Variants in FRMD4B observed in about 807,000 individuals in gnomAD.
The protein encoded by FRMD4B is FERM domain containing 4B, also known as FERM domain-containing protein 4B.
Under a neutral mutation model 141.5 loss-of-function variants are expected in FRMD4B, and 74 were observed. The ratio of observed to expected loss-of-function variants is 0.52; its 90% CI spans 0.43 to 0.63. The LOEUF (loss-of-function observed/expected upper bound fraction) is 0.63, where lower values mean the gene tolerates loss of function less well. FRMD4B is among the 30% of genes least tolerant of loss of function. The pLI is 0.00. For synonymous variants in FRMD4B, 506 were observed against 467.9 expected (o/e 1.08, Z -1.05); for missense variants, 1,366 against 1,253.4 (o/e 1.09, Z -1.36).
intron 2 of FRMD4B, among the ~76,000 whole-genome samples, chr3:69,431,030 G>A (rs1431049964): frequency 1.3e-5 from 2 of 152,320 alleles, no homozygotes; most frequent in East Asian, 3.9e-4. Flanking sequence ...GAGGGAAAGA[G>A]CCAGGCTGCA....
chr3:69,496,636 AAAGAGAGAGAG>A (rs1559545694), intron 1 of FRMD4B, among the ~76,000 whole-genome samples: 11,112 of 116,640 alleles, frequency 0.095, 314 homozygotes, highest in East Asian at 0.12. Flanking sequence ...AGAGAGAGAG[AAAGAGAGAGAG>A]AGAGAGAGAG....
Position 69,434,119 on chromosome 3 carries a change from C to T in FRMD4B, c.-128-1358G>A, listed in dbSNP as rs140430376. 3.2e-3 allele frequency among the ~76,000 whole-genome samples: 483 copies of T among 152,300 alleles called. 5 individuals carry two copies. The highest frequency in any genetic ancestry group is 0.011 in the African/African-American group (457 of 41,554). On this transcript the variant is annotated intron_variant, in intron 1 of 5. Coordinates refer to the FRMD4B transcript ENST00000459638. ...ATTAAGCCCTGTAAACAATGATATA[C>T]CAAGCAGTGTCTAATGTCACGTGCA...
At chr3:69,231,776 A>G (rs1043296901) in intron 7 of FRMD4B, among the ~76,000 whole-genome samples, 1 of 152,234 alleles carries the variant, frequency 6.6e-6, no homozygotes, top group African/African-American at 2.4e-5. Context: ...GTTAGAACCT[A>G]CTAAACCAAA....
chr3:69,234,584 A>G (rs1408950449), intron 7 of FRMD4B, among the ~76,000 whole-genome samples: 4 of 152,214 alleles, frequency 2.6e-5, no homozygotes, highest in Non-Finnish European at 5.9e-5. Flanking sequence ...TATCTGCTGG[A>G]CTTAACAACT....
chr3:69,489,098 G>A (rs1706265201), intron 1 of FRMD4B, among the ~76,000 whole-genome samples: 1 of 151,600 alleles, frequency 6.6e-6, no homozygotes, highest in Non-Finnish European at 1.5e-5. Flanking sequence ...AATGTGAAAA[G>A]ACAATCCACT....
At chr3:69,535,831 G>T in intron 1 of FRMD4B, 2 of 472,198 alleles carry the variant, frequency 4.2e-6, no homozygotes, top group South Asian at 1.5e-5. Context: ...CTGGGCAGCT[G>T]CCCCTTTAGG....
rs771827489 is a variant in FRMD4B at position 69,181,131 on chromosome 3, G to A, written c.2619C>T (p.Leu873=). The A allele has an allele frequency of 1.9e-6, 3 of 1,614,008 alleles. No homozygotes were observed. Among genetic ancestry groups the A allele is most frequent in the East Asian group, 2.2e-5 (1 of 44,886 alleles). The change falls in exon 21 of 23, where the codon CTC becomes CTT. Residue 873 remains leucine (L), a synonymous_variant. Coordinates refer to ENST00000398540, the MANE Select transcript of FRMD4B (RefSeq NM_015123.3). ...DRVPHNPYAT[L]RLPRKAAAKS... Reference sequence around the variant, plus strand: ...TTGCAGCAGCCTTCCTTGGCAGCCGGAGAGTTGCATATGGGTTATGGGGTA... The same window carrying A: ...TTGCAGCAGCCTTCCTTGGCAGCCGAAGAGTTGCATATGGGTTATGGGGTA...
intron 1 of FRMD4B, among the ~76,000 whole-genome samples, chr3:69,340,547 C>T (rs1170392715): frequency 6.6e-6 from 1 of 152,160 alleles, no homozygotes; most frequent in African/African-American, 2.4e-5. Flanking sequence ...GGTGAAGATC[C>T]TGCAGTCAGA....
At chr3:69,505,588 T>C (rs1304763024) in intron 1 of FRMD4B, among the ~76,000 whole-genome samples, 1 of 152,194 alleles carries the variant, frequency 6.6e-6, no homozygotes, top group Non-Finnish European at 1.5e-5. Flanking sequence ...TGAAAGTGGT[T>C]AATATCCAGA....
chr3:69,309,801 T>G (rs984927769), intron 3 of FRMD4B, among the ~76,000 whole-genome samples: 1 of 152,132 alleles, frequency 6.6e-6, no homozygotes, highest in African/African-American at 2.4e-5. Context: ...ACCCCTATTC[T>G]ATGTGACCTC....
intron 1 of FRMD4B, among the ~76,000 whole-genome samples, chr3:69,372,165 C>T (rs948396414): frequency 4.6e-5 from 7 of 152,206 alleles, no homozygotes; most frequent in African/African-American, 1.4e-4. Context: ...CTGCACGTGC[C>T]AAGCTCCTTC....
chr3:69,221,478 G>A (rs2093194306), intron 9 of FRMD4B, among the ~76,000 whole-genome samples: 1 of 152,112 alleles, frequency 6.6e-6, no homozygotes, highest in African/African-American at 2.4e-5. Flanking sequence ...ACTTCCCAAT[G>A]AGATAAGATT....
At chr3:69,186,048 A>T (rs943701971) in intron 19 of FRMD4B, among the ~76,000 whole-genome samples, 3 of 151,972 alleles carry the variant, frequency 2.0e-5, no homozygotes, top group African/African-American at 7.3e-5. Flanking sequence ...TCTCAAAAAA[A>T]AAAAAAAGTA....
intron 2 of FRMD4B, among the ~76,000 whole-genome samples, chr3:69,422,969 T>C (rs1387482049): frequency 6.6e-6 from 1 of 152,140 alleles, no homozygotes; most frequent in Non-Finnish European, 1.5e-5. Flanking sequence ...TATGACTCAC[T>C]GGGCATGAGT....
chr3:69,499,131 G>A (rs1706451555), intron 1 of FRMD4B, among the ~76,000 whole-genome samples: 1 of 152,138 alleles, frequency 6.6e-6, no homozygotes, highest in Non-Finnish European at 1.5e-5. Context: ...CCTGAGGCAG[G>A]AATCAACTTG....
intron 5 of FRMD4B, among the ~76,000 whole-genome samples, chr3:69,262,689 A>G (rs906400198): frequency 1.3e-5 from 2 of 149,290 alleles, no homozygotes; most frequent in African/African-American, 2.5e-5. Context: ...GAACTCCCAG[A>G]CCTCAGGTGA....
At chr3:69,340,608 T>C (rs1413934215) in intron 1 of FRMD4B, among the ~76,000 whole-genome samples, 1 of 152,194 alleles carries the variant, frequency 6.6e-6, no homozygotes, top group African/African-American at 2.4e-5. Flanking sequence ...GTCACCACCA[T>C]GGGCAGACGA....
chr3:69,200,500 G>A (rs1246445463), intron 11 of FRMD4B: 5 of 992,606 alleles, frequency 5.0e-6, no homozygotes, highest in Non-Finnish European at 3.6e-6. Flanking sequence ...CGGCAGCTCC[G>A]GTGAGTTCTG....
chr3:69,172,194 C>A (rs1006099944), intron 22 of FRMD4B, among the ~76,000 whole-genome samples: 2 of 152,186 alleles, frequency 1.3e-5, no homozygotes, highest in Admixed American at 6.5e-5. Context: ...TTATTTAATT[C>A]TCTGGAAAGA....
Sources: allele counts gnomAD v4.1 joint callset (sites outside exome capture counted in the v4.1 genomes callset), GRCh38; gene constraint gnomAD v4.1.1; transcripts MANE v1.5; gene names NCBI Gene and HGNC (gene_info 2026-07-23, HGNC 2026-07-21).